The following ABCB10 variants were observed in gnomAD, a reference collection of about 807,000 sequenced individuals.
ABCB10 encodes the protein ATP binding cassette subfamily B member 10.
A neutral mutation model predicts 65.4 loss-of-function variants in ABCB10; 54 were observed. The observed-to-expected ratio is 0.83, with a 90% CI of 0.66 to 1.04. The LOEUF is 1.04. ABCB10 is among the 50% of genes least tolerant of loss of function. The probability of loss-of-function intolerance (pLI) is 0.00; values close to 1 mark genes in which losing one functional copy is unlikely to be tolerated. For synonymous variants in ABCB10, 418 were observed against 406.5 expected (o/e 1.03, Z -0.34); for missense variants, 846 against 976.6 (o/e 0.87, Z 1.78).
At position 229,547,673 on chromosome 1, in the gene ABCB10, A is replaced by G; in HGVS notation, c.747T>C (p.Thr249=). 1 of 1,614,208 alleles carries G rather than the reference A, an allele frequency of 6.2e-7. No homozygotes were observed. Among genetic ancestry groups the G allele is most frequent in the South Asian group, 1.1e-5 (1 of 91,086 alleles). Reference sequence around the variant, plus strand: ...GCCTCAGAATGGAGGAGAATAATGAAGTTCTCAGCCTATTCACAATGCGCT... The same window carrying G: ...GCCTCAGAATGGAGGAGAATAATGAGGTTCTCAGCCTATTCACAATGCGCT... ...SGQRIVNRLR[T]SLFSSILRQE... is the part of the protein sequence containing the mutation. The change falls in exon 3 of 13, where the codon ACT becomes ACC. Residue 249 remains threonine (T), a synonymous_variant. Coordinates refer to ENST00000344517, the MANE Select transcript of ABCB10 (RefSeq NM_012089.3).
Position 229,558,534 on chromosome 1 carries a change from A to G in ABCB10, c.119T>C (p.Leu40Pro). ...WAAASRVPGS[L>P]SPFTGLRPAR... The stretch of plus-strand genomic sequence containing the variant: ...CGGCCTCAGGCCAGTGAACGGCGAT[A>G]GGGACCCGGGAACGCGGCTGGCCGC... Residue 40 changes from leucine to proline, a missense_variant, in exon 1 of 13, where the codon CTA (leucine) becomes CCA (proline). This residue lies in a region of ABCB10 where 214 missense variants were observed against 173.5 expected (regional missense o/e 1.23). Transcript: ENST00000344517. 1 of 1,436,800 alleles carries G rather than the reference A, an allele frequency of 7.0e-7. No homozygotes were observed. The highest frequency in any genetic ancestry group is 9.1e-7 in the Non-Finnish European group (1 of 1,095,680). The allele number at this position is 1,436,800 out of a possible 1,614,324, so 89.0% of individuals were successfully genotyped here. A position where few individuals can be genotyped will look rare whatever the true frequency, so the allele number is the denominator to read the frequency against.
intron 6 of ABCB10, among the ~76,000 whole-genome samples, chr1:229,532,865 C>G (rs1031990470): frequency 6.6e-6 from 1 of 152,192 alleles, no homozygotes; most frequent in African/African-American, 2.4e-5. Flanking sequence ...GCACTCAGAG[C>G]AACAGAGCGA....
At chr1:229,543,554 A>G (rs949192067) in intron 3 of ABCB10, among the ~76,000 whole-genome samples, 2 of 152,240 alleles carry the variant, frequency 1.3e-5, no homozygotes, top group Admixed American at 6.5e-5. Context: ...ACAAGTTATT[A>G]CTGAGAGCCC....
At chr1:229,522,691 T>A (rs75814018) in intron 10 of ABCB10, among the ~76,000 whole-genome samples, 1 of 152,326 alleles carries the variant, frequency 6.6e-6, no homozygotes, top group East Asian at 1.9e-4. Flanking sequence ...ATGCTGTTCA[T>A]CACTACACAT....
intron 3 of ABCB10, 114 bp from the exon 4 acceptor site, chr1:229,542,485 A>C (rs1362922084): frequency 7.9e-7 from 1 of 1,269,646 alleles, no homozygotes; most frequent in African/African-American, 1.5e-5. Flanking sequence ...GTGTGTGTTT[A>C]AATTAACAGC....
chr1:229,520,734 A>G (rs1000772076), intron 11 of ABCB10, among the ~76,000 whole-genome samples: 2 of 152,254 alleles, frequency 1.3e-5, no homozygotes, highest in African/African-American at 4.8e-5. Context: ...TAAAGTACTG[A>G]TACAAACTAC....
chr1:229,552,963 C>G (rs1441592232), intron 1 of ABCB10, among the ~76,000 whole-genome samples: 2 of 152,148 alleles, frequency 1.3e-5, no homozygotes, highest in Admixed American at 1.3e-4. Flanking sequence ...GGGAAGGGAG[C>G]AGAAAGCCTG....
intron 3 of ABCB10, among the ~76,000 whole-genome samples, chr1:229,543,778 T>C (rs1178043394): frequency 6.6e-6 from 1 of 152,160 alleles, no homozygotes; most frequent in Non-Finnish European, 1.5e-5. Context: ...GGTTGGCACC[T>C]TCACAGAGGA....
At chr1:229,548,664 T>C (rs1451346529) in intron 2 of ABCB10, among the ~76,000 whole-genome samples, 2 of 150,328 alleles carry the variant, frequency 1.3e-5, no homozygotes, top group Non-Finnish European at 2.9e-5. Flanking sequence ...TTCTTTTTTT[T>C]TCTTTTTTTT....
chr1:229,558,586 G>A lies in ABCB10; in HGVS notation c.67C>T (p.Leu23Phe), dbSNP rs1663325814. The change falls in exon 1 of 13, where the codon CTC becomes TTC. Residue 23 changes from leucine (L) to phenylalanine (F), a missense_variant. Physicochemically the swap from Leu to Phe is conservative, Grantham distance 22. Around this residue, in one of 2 missense-constraint regions of ABCB10, gnomAD observed 214 missense variants for 173.5 expected, o/e 1.23. Coordinates refer to ENST00000344517, the MANE Select transcript of ABCB10 (RefSeq NM_012089.3). ...EPPSPAEPGRLLPVACVWAAA... is the reference protein window; with the variant it reads ...EPPSPAEPGRFLPVACVWAAA... ...GCCCACACGCAGGCTACCGGCAGGA[G>A]CCGACCTGGCTCGGCAGGGCTCGGT... The A allele has an allele frequency of 2.8e-6, 4 of 1,443,486 alleles. No individual in the cohort carries two copies. The highest frequency in any genetic ancestry group is 3.6e-6 in the Non-Finnish European group (4 of 1,100,486). 89.4% of individuals were successfully genotyped at this position (1,443,486 alleles called of 1,614,324 possible). A position where few individuals can be genotyped will look rare whatever the true frequency, so the allele number is the denominator to read the frequency against.
chr1:229,553,661 T>C (rs557477265), intron 1 of ABCB10, among the ~76,000 whole-genome samples: 4 of 151,484 alleles, frequency 2.6e-5, no homozygotes, highest in African/African-American at 9.7e-5. Flanking sequence ...GGATGAGGAA[T>C]GCCTAACCTA....
chr1:229,552,341 T>G (rs1663138698), intron 1 of ABCB10, among the ~76,000 whole-genome samples: 1 of 152,196 alleles, frequency 6.6e-6, no homozygotes, highest in African/African-American at 2.4e-5. Context: ...TGGACACAAC[T>G]GAGCATACTG....
At chr1:229,537,652 TG>T in intron 6 of ABCB10, among the ~76,000 whole-genome samples, 1 of 152,136 alleles carries the variant, frequency 6.6e-6, no homozygotes, top group Admixed American at 6.5e-5. Context: ...TAGCCAGGTG[TG>T]GCAGCACGTG....
intron 3 of ABCB10, among the ~76,000 whole-genome samples, chr1:229,547,050 A>G (rs1296228675): frequency 2.0e-5 from 3 of 152,182 alleles, no homozygotes; most frequent in Non-Finnish European, 4.4e-5. Flanking sequence ...GCAAGCAGAC[A>G]GGACAGGCAC....
intron 6 of ABCB10, among the ~76,000 whole-genome samples, chr1:229,535,428 G>A (rs1180506228): frequency 2.0e-5 from 3 of 152,124 alleles, no homozygotes; most frequent in Non-Finnish European, 4.4e-5. Flanking sequence ...GCCATAAAAA[G>A]ACATGGAGAA....
rs1035653633 is a variant in ABCB10, at chr1:229,558,572, G to A, written c.81C>T (p.Ala27=). Residue 27 remains alanine, a synonymous_variant, in exon 1 of 13, where the codon GCC becomes GCT. Transcript: ENST00000344517. ...PAEPGRLLPV[A]CVWAAASRVP... is the part of the protein sequence containing the mutation. ...CGCGGCTGGCCGCGGCCCACACGCA[G>A]GCTACCGGCAGGAGCCGACCTGGCT... The A allele has an allele frequency of 8.3e-6, 12 of 1,445,502 alleles. No homozygotes were observed. The highest frequency in any genetic ancestry group is 4.5e-5 in the African/African-American group (3 of 67,382). 89.5% of individuals were successfully genotyped at this position (1,445,502 alleles called of 1,614,324 possible).
chr1:229,517,964 C>T lies in ABCB10; in HGVS notation c.*215G>A, dbSNP rs1662213144. 2 of 540,012 alleles carry T rather than the reference C, an allele frequency of 3.7e-6. No individual in the cohort carries two copies. The highest frequency in any genetic ancestry group is 4.9e-4 in the Middle Eastern group (1 of 2,032). 33.5% of individuals were successfully genotyped at this position (540,012 alleles called of 1,614,324 possible). ...ACAAAACCTGAAAATAACTTCAGTG[C>T]TATAGACATTTAAAAAGTTACAATT... On this transcript the variant is annotated 3_prime_UTR_variant, in exon 13 of 13. Transcript: ENST00000344517.
At chr1:229,520,795 A>T (rs1024852945) in intron 11 of ABCB10, among the ~76,000 whole-genome samples, 1 of 152,232 alleles carries the variant, frequency 6.6e-6, no homozygotes, top group African/African-American at 2.4e-5. Context: ...GAAAGAAGCT[A>T]GATGCCAAAA....
At chr1:229,529,295 CAAAAAAAAAAAAAAAAA>C (rs59264291) in intron 8 of ABCB10, among the ~76,000 whole-genome samples, 3,654 of 23,168 alleles carry the variant, frequency 0.16, 137 homozygotes, top group South Asian at 0.28. Context: ...GACTCCGTCT[CAAAAAAAAAAAAAAAAA>C]AAAAAAAAAA....
Sources: allele counts gnomAD v4.1 joint callset (sites outside exome capture counted in the v4.1 genomes callset), GRCh38; gene constraint gnomAD v4.1.1; regional missense constraint gnomAD v4.1.1; transcripts MANE v1.5; gene names NCBI Gene and HGNC (gene_info 2026-07-23, HGNC 2026-07-21).